Variants in PLEKHA6 observed in about 807,000 individuals in gnomAD.
PLEKHA6 encodes pleckstrin homology domain-containing family A member 6.
PLEKHA6 carries 60 observed loss-of-function variants against 116.7 expected under a neutral mutation model. The ratio of observed to expected loss-of-function variants is 0.51; its 90% CI spans 0.42 to 0.64. PLEKHA6 has a LOEUF of 0.64. PLEKHA6 is among the 30% of genes least tolerant of loss of function. PLEKHA6 has a pLI of 0.00. For synonymous variants in PLEKHA6, 489 were observed against 556.1 expected (o/e 0.88, Z 1.70); for missense variants, 1,338 against 1,422.7 (o/e 0.94, Z 0.96).
chr1:204,228,126 G>T lies in PLEKHA6; in HGVS notation c.2988C>A (p.Cys996Ter). 1 of 1,612,966 alleles carries T rather than the reference G, an allele frequency of 6.2e-7. No individual in the cohort carries two copies. Among genetic ancestry groups the T allele is most frequent in the South Asian group, 1.1e-5 (1 of 90,960 alleles). The change falls in exon 21 of 23, where the codon TGC becomes TGA. Residue 996 changes from cysteine (C) to a stop codon, truncating the protein, a stop_gained. Coordinates refer to ENST00000272203, the MANE Select transcript of PLEKHA6 (RefSeq NM_014935.5). LOFTEE classifies it high-confidence loss of function. The surrounding 1 kb of genome is among the most constrained non-coding windows in gnomAD (Gnocchi z 4.0). ...TGCGGGAGGCCTCGGTCGCCAGGGC[G>T]CAGGAGATTTCAATCCGCTTCTCCT... ...QEQEKRIEIS[C>*]ALATEASRRG...
chr1:204,281,030 A>G, intron 1 of PLEKHA6: 2 of 982,492 alleles, frequency 2.0e-6, no homozygotes, highest in Non-Finnish European at 2.4e-6. Context: ...CCCTCCAAAC[A>G]ACACTGCCTT....
chr1:204,280,804 T>A (rs1447957901), intron 1 of PLEKHA6: 4 of 156,852 alleles, frequency 2.6e-5, no homozygotes, highest in African/African-American at 9.6e-5. Context: ...TTCAGCATCC[T>A]GTCCCAATTA....
intron 1 of PLEKHA6, among the ~76,000 whole-genome samples, chr1:204,319,073 C>G (rs1324710716): frequency 2.0e-5 from 3 of 152,326 alleles, no homozygotes; most frequent in South Asian, 2.1e-4. Context: ...AAACAAGGTA[C>G]TCGGTTCATC....
rs558627266 is a variant in PLEKHA6 at position 204,356,482 on chromosome 1, G to A, written c.-95+3212C>T. On this transcript the variant is annotated intron_variant, in intron 1 of 22. Coordinates refer to ENST00000272203, the MANE Select transcript of PLEKHA6 (RefSeq NM_014935.5). ...CTTGGGAGGCTGAGGTAGGAGGATC[G>A]CTTGAGCCTAGGAGGTTGAGACTGC... Among the ~76,000 whole-genome samples, 26 of 152,146 alleles carry A rather than the reference G, an allele frequency of 1.7e-4. No individual in the cohort carries two copies. In the East Asian group the frequency reaches 2.3e-3, roughly 14 times the overall value.
Position 204,320,584 on chromosome 1 carries a change from T to C in PLEKHA6, c.-95+39110A>G, listed in dbSNP as rs1017751655. Reference sequence around the variant, plus strand: ...CCCTGGGGCAAAGAGATAGGGAAACTTTCGGTCAGCCCTGTTTATGCTGAG... The same window carrying C: ...CCCTGGGGCAAAGAGATAGGGAAACCTTCGGTCAGCCCTGTTTATGCTGAG... On this transcript the variant is annotated intron_variant, in intron 1 of 22. Transcript: ENST00000272203. 6 of 636,600 alleles carry C rather than the reference T, an allele frequency of 9.4e-6. No individual in the cohort carries two copies. The South Asian group carries it at 4.2e-4, about 44-fold the overall frequency. The allele number at this position is 636,600 out of a possible 1,614,324, so 39.4% of individuals were successfully genotyped here. A position where few individuals can be genotyped will look rare whatever the true frequency, so the allele number is the denominator to read the frequency against.
At chr1:204,243,971 C>A (rs1663234508) in intron 15 of PLEKHA6, among the ~76,000 whole-genome samples, 1 of 152,010 alleles carries the variant, frequency 6.6e-6, no homozygotes, top group South Asian at 2.1e-4. Flanking sequence ...CAGGCACCAG[C>A]CACCACGCCC....
At chr1:204,232,976 T>C (rs1333919852) in intron 17 of PLEKHA6, among the ~76,000 whole-genome samples, 2 of 152,120 alleles carry the variant, frequency 1.3e-5, no homozygotes, top group Non-Finnish European at 1.5e-5. Flanking sequence ...TTAAAATTTA[T>C]TTTTTAAATA....
intron 1 of PLEKHA6, among the ~76,000 whole-genome samples, chr1:204,318,849 T>C (rs1245036327): frequency 6.6e-6 from 1 of 152,184 alleles, no homozygotes; most frequent in Admixed American, 6.5e-5. Flanking sequence ...TTTCATTTTC[T>C]CCATGGTCCA....
chr1:204,370,962 G>A (rs1482299929), intron 2 of PLEKHA6, among the ~76,000 whole-genome samples: 2 of 150,550 alleles, frequency 1.3e-5, no homozygotes, highest in African/African-American at 2.5e-5. Flanking sequence ...GCTGAGGCAC[G>A]AGAATCTCTT....
intron 1 of PLEKHA6, among the ~76,000 whole-genome samples, chr1:204,312,426 A>G (rs550745595): frequency 6.6e-6 from 1 of 152,342 alleles, no homozygotes; most frequent in East Asian, 1.9e-4. Flanking sequence ...TCAACGGCAG[A>G]GTGACACCTT....
At chr1:204,307,866 G>A (rs1229539071) in intron 1 of PLEKHA6, 2 of 985,250 alleles carry the variant, frequency 2.0e-6, no homozygotes, top group Non-Finnish European at 2.4e-6. Flanking sequence ...TCAAGTCCAG[G>A]TGCTTAAGTG....
At chr1:204,370,449 C>G (rs1346342864) in intron 2 of PLEKHA6, among the ~76,000 whole-genome samples, 1 of 152,228 alleles carries the variant, frequency 6.6e-6, no homozygotes, top group Non-Finnish European at 1.5e-5. Context: ...GCACTGTGAC[C>G]CACACCCCCT....
chr1:204,232,555 T>C (rs1381627780), intron 17 of PLEKHA6, among the ~76,000 whole-genome samples: 1 of 152,220 alleles, frequency 6.6e-6, no homozygotes, highest in African/African-American at 2.4e-5. Context: ...TTTTTGAGAC[T>C]GTTATACATA....
At chr1:204,331,382 C>A (rs1672443313) in intron 1 of PLEKHA6, among the ~76,000 whole-genome samples, 1 of 152,094 alleles carries the variant, frequency 6.6e-6, no homozygotes, top group African/African-American at 2.4e-5. Flanking sequence ...CACCTAAGTC[C>A]ATGCTGCAGC....
intron 1 of PLEKHA6, chr1:204,297,130 AGAT>A (rs1241972823): frequency 1.0e-6 from 1 of 982,746 alleles, no homozygotes; most frequent in Non-Finnish European, 1.2e-6. Flanking sequence ...AATCCGAATC[AGAT>A]GGAGAAAGTC....
At chr1:204,360,850 A>G (rs1673543611), upstream of PLEKHA6, among the ~76,000 whole-genome samples, 1 of 152,164 alleles carries the variant, frequency 6.6e-6, no homozygotes, top group Non-Finnish European at 1.5e-5. Flanking sequence ...ACTTCAGACA[A>G]TAGGGTCGTA....
At chr1:204,302,792 C>T in intron 1 of PLEKHA6, among the ~76,000 whole-genome samples, 1 of 152,130 alleles carries the variant, frequency 6.6e-6, no homozygotes, top group Non-Finnish European at 1.5e-5. Context: ...AGGAGAATTG[C>T]TTGAACCCAG....
At chr1:204,288,968 G>C (rs543434730) in intron 1 of PLEKHA6, among the ~76,000 whole-genome samples, 1 of 152,292 alleles carries the variant, frequency 6.6e-6, no homozygotes, top group East Asian at 1.9e-4. Flanking sequence ...AGAACAAGAA[G>C]AGATAAATTC....
chr1:204,317,941 C>T (rs956870731), intron 1 of PLEKHA6, among the ~76,000 whole-genome samples: 3 of 152,240 alleles, frequency 2.0e-5, no homozygotes, highest in African/African-American at 7.2e-5. Context: ...CTGTATTAGT[C>T]CATATTCATG....
Sources: gnomAD v4.1 joint callset for allele counts (sites outside exome capture counted in the v4.1 genomes callset) on GRCh38, gnomAD v4.1.1 for gene constraint, Gnocchi (gnomAD v3.1) non-coding constraint, MANE v1.5 for transcripts, NCBI Gene and HGNC (gene_info 2026-07-23, HGNC 2026-07-21) for gene names.